Variants in DMXL2 observed in about 807,000 individuals in gnomAD.
The protein encoded by DMXL2 is Dmx like 2.
Under a neutral mutation model 331.1 loss-of-function variants are expected in DMXL2, and 103 were observed. The ratio of observed to expected loss-of-function variants is 0.31; its 90% CI spans 0.27 to 0.37. The LOEUF (loss-of-function observed/expected upper bound fraction) is 0.37, where lower values mean the gene tolerates loss of function less well. Among genes scored for constraint, DMXL2 ranks in the 10% least tolerant of loss-of-function variants. The probability of loss-of-function intolerance (pLI) is 1.00; values close to 1 mark genes in which losing one functional copy is unlikely to be tolerated. For synonymous variants in DMXL2, 1,281 were observed against 1,252.1 expected, an observed-to-expected ratio of 1.02 and a Z score of -0.49; for missense variants, 3,171 against 3,642.9, an observed-to-expected ratio of 0.87 and a Z score of 3.33.
At chr15:51,502,678 G>GA in intron 17 of DMXL2, 128 bp downstream of exon 17, 1 of 679,196 alleles carries the variant, frequency 1.5e-6, no homozygotes, top group Non-Finnish European at 2.5e-6. Flanking sequence ...ATCATTAATA[G>GA]AAAATCAATC....
Position 51,499,571 on chromosome 15 carries a change from A to G in DMXL2, c.3653T>C (p.Leu1218Pro). ...KDGVAVITLP[L>P]GGSIKQGVKS... ...AACTCCTTGCTTGATACTACCACCT[A>G]GTGGTAAAGTGATGACAGCTACTCC... The change falls in exon 18 of 44, where the codon CTA becomes CCA. Residue 1218 changes from leucine (L) to proline (P), a missense_variant. Transcript: ENST00000560891. 1 of 1,613,670 alleles carries G rather than the reference A, an allele frequency of 6.2e-7. No individual in the cohort carries two copies. The highest frequency in any genetic ancestry group is 8.5e-7 in the Non-Finnish European group (1 of 1,179,558).
chr15:51,550,003 T>C (rs1229529779), intron 6 of DMXL2, among the ~76,000 whole-genome samples: 1 of 152,092 alleles, frequency 6.6e-6, no homozygotes, highest in Non-Finnish European at 1.5e-5. Context: ...ATATCCCTGA[T>C]GAATATAGAT....
intron 1 of DMXL2, among the ~76,000 whole-genome samples, chr15:51,593,868 G>C (rs7402910): frequency 6.6e-6 from 1 of 152,214 alleles, no homozygotes; most frequent in Non-Finnish European, 1.5e-5. Flanking sequence ...TGAAACCAAT[G>C]AGAACAAAGA....
chr15:51,544,065 TCTG>T (rs1336269429), intron 8 of DMXL2, among the ~76,000 whole-genome samples: 1 of 152,206 alleles, frequency 6.6e-6, no homozygotes. Context: ...TGTTTTGACA[TCTG>T]CTTTTAATTT....
Position 51,536,429 on chromosome 15 carries a change from T to A in DMXL2, c.2051A>T (p.Asp684Val). ...TAATCTACTTAATTTATTGTCTGAGTCCCACTGACAATCTAATTCAGGAGT... is the reference window on the plus strand; with the variant it reads ...TAATCTACTTAATTTATTGTCTGAGACCCACTGACAATCTAATTCAGGAGT... ...LLTPELDCQW[D>V]SDNKLSRLMD... Residue 684 changes from aspartate (D) to valine (V), a missense_variant, in exon 12 of 44, where the codon GAC (aspartate) becomes GTC (valine). Asp to Val is a radical substitution (Grantham distance 152). Coordinates refer to ENST00000560891, the MANE Select transcript of DMXL2 (RefSeq NM_001378457.1). The A allele has an allele frequency of 6.2e-7, 1 of 1,613,938 alleles. No homozygotes were observed. The highest frequency in any genetic ancestry group is 8.5e-7 in the Non-Finnish European group (1 of 1,179,904).
At chr15:51,599,377 G>C (rs988045997) in intron 1 of DMXL2, among the ~76,000 whole-genome samples, 3 of 152,118 alleles carry the variant, frequency 2.0e-5, no homozygotes, top group African/African-American at 7.2e-5. Context: ...CCTCTCAGCT[G>C]ACAGTTAGGA....
chr15:51,459,768 T>A, intron 33 of DMXL2, 108 bp from the exon 34 acceptor site: 1 of 1,202,756 alleles, frequency 8.3e-7, no homozygotes, highest in Non-Finnish European at 1.1e-6. Flanking sequence ...TTAAAGATGA[T>A]AAAAATGAAT....
chr15:51,453,771 G>T, intron 40 of DMXL2, 130 bp from the exon 41 acceptor site: 1 of 688,654 alleles, frequency 1.5e-6, no homozygotes, highest in Non-Finnish European at 2.4e-6. Context: ...CTCGGTCTAG[G>T]ATAAAAGAAT....
At chr15:51,478,188 C>T in intron 26 of DMXL2, 83 bp downstream of exon 26, 1 of 1,134,134 alleles carries the variant, frequency 8.8e-7, no homozygotes, top group Non-Finnish European at 1.3e-6. Flanking sequence ...TTTTCAGTCC[C>T]TAGGAAATAG....
rs35412082 is a variant in DMXL2, at chr15:51,609,930, T to TAAA, written c.87+12526_87+12528dup. Among the ~76,000 whole-genome samples, 138 of 100,096 alleles carry TAAA rather than the reference T, an allele frequency of 1.4e-3. 2 individuals carry two copies. The highest frequency in any genetic ancestry group is 4.5e-3 in the African/African-American group (131 of 29,040). 65.7% of individuals were successfully genotyped at this position (100,096 alleles called of 152,430 possible). On this transcript the variant is annotated intron_variant, in intron 1 of 43. Coordinates refer to ENST00000560891, the MANE Select transcript of DMXL2 (RefSeq NM_001378457.1). ...GGGCAACAAGAGTGAAAGTCAGTCT[T>TAAA]AAAAAAAAAAAAAAAAACTATCTAG...
intron 2 of DMXL2, among the ~76,000 whole-genome samples, chr15:51,569,170 C>A (rs554555304): frequency 6.6e-6 from 1 of 152,302 alleles, no homozygotes; most frequent in South Asian, 2.1e-4. Flanking sequence ...CCACGGAGCC[C>A]AGCAAGCTAA....
chr15:51,600,011 T>G (rs891852285), intron 1 of DMXL2, among the ~76,000 whole-genome samples: 26 of 152,250 alleles, frequency 1.7e-4, no homozygotes, highest in African/African-American at 6.3e-4. Context: ...CTTCCCACTT[T>G]CTACACTTGT....
At chr15:51,492,663 A>G (rs1433512704) in intron 19 of DMXL2, among the ~76,000 whole-genome samples, 2 of 152,218 alleles carry the variant, frequency 1.3e-5, no homozygotes, top group African/African-American at 4.8e-5. Flanking sequence ...AAAACGAAAC[A>G]TAATGAATGT....
intron 9 of DMXL2, among the ~76,000 whole-genome samples, chr15:51,539,338 A>G (rs2048462272): frequency 6.6e-6 from 1 of 152,232 alleles, no homozygotes; most frequent in African/African-American, 2.4e-5. Flanking sequence ...AGTGAAGAAT[A>G]TAAAAGTATT....
intron 18 of DMXL2, among the ~76,000 whole-genome samples, chr15:51,496,144 C>T (rs1005879177): frequency 1.4e-4 from 21 of 152,078 alleles, no homozygotes; most frequent in African/African-American, 4.1e-4. Context: ...CATGCTCATT[C>T]GTCCGTTTAT....
At position 51,616,367 on chromosome 15, in the gene DMXL2, T is replaced by C. The variant is rs370744930; in HGVS notation, c.87+6092A>G. Reference sequence around the variant, plus strand: ...GCAGGCAAACGAAAAAAAAAGAAATTTAAGAAAACAAAAACCCACACACAC... The same window carrying C: ...GCAGGCAAACGAAAAAAAAAGAAATCTAAGAAAACAAAAACCCACACACAC... On this transcript the variant is annotated intron_variant, in intron 1 of 43. Coordinates refer to ENST00000560891, the MANE Select transcript of DMXL2 (RefSeq NM_001378457.1). Among the ~76,000 whole-genome samples, 78 of 152,010 alleles carry C rather than the reference T, an allele frequency of 5.1e-4. 1 individual carries two copies. In the South Asian group the frequency reaches 0.016, roughly 31 times the overall value.
At chr15:51,550,668 G>A (rs568606507) in intron 6 of DMXL2, among the ~76,000 whole-genome samples, 1 of 152,132 alleles carries the variant, frequency 6.6e-6, no homozygotes, top group Admixed American at 6.5e-5. Flanking sequence ...AAATAACCAA[G>A]TGTTATTTTT....
At chr15:51,469,633 T>A (rs1217521965) in intron 29 of DMXL2, among the ~76,000 whole-genome samples, 2 of 152,188 alleles carry the variant, frequency 1.3e-5, no homozygotes, top group Non-Finnish European at 2.9e-5. Flanking sequence ...AGAACATATA[T>A]CAGGAGGAAA....
At chr15:51,478,249 A>G in intron 26 of DMXL2, 22 bp downstream of exon 26, 1 of 1,510,582 alleles carries the variant, frequency 6.6e-7, no homozygotes, top group South Asian at 1.1e-5. Flanking sequence ...TATTAATACT[A>G]TTTTGGGTGA....
Sources: gnomAD v4.1 joint callset for allele counts (sites outside exome capture counted in the v4.1 genomes callset) on GRCh38, gnomAD v4.1.1 for gene constraint, MANE v1.5 for transcripts, NCBI Gene and HGNC (gene_info 2026-07-23, HGNC 2026-07-21) for gene names.